TENM4: variants seen among roughly 807,000 people sequenced by gnomAD.
TENM4 encodes teneurin-4.
In TENM4, 82 loss-of-function variants were observed where a neutral mutation model predicts 243.3. The ratio of observed to expected loss-of-function variants is 0.34; its 90% CI spans 0.28 to 0.40. The LOEUF is 0.40. TENM4 is among the 10% of genes least tolerant of loss of function. The pLI is 1.00. For synonymous variants in TENM4, 1,412 were observed against 1,456.3 expected, an observed-to-expected ratio of 0.97 and a Z score of 0.69; for missense variants, 3,138 against 3,673.3, an observed-to-expected ratio of 0.85 and a Z score of 3.77.
chr11:78,796,979 AGT>A (rs1287065239), intron 15 of TENM4, among the ~76,000 whole-genome samples: 5 of 152,338 alleles, frequency 3.3e-5, no homozygotes, highest in African/African-American at 1.2e-4. Flanking sequence ...AAACCCTTGT[AGT>A]AATATTAGTA....
At chr11:79,163,879 TA>T (rs1352804647) in intron 3 of TENM4, among the ~76,000 whole-genome samples, 2 of 144,616 alleles carry the variant, frequency 1.4e-5, no homozygotes, top group East Asian at 4.0e-4. Flanking sequence ...CACATATATG[TA>T]CATATATTAT....
At chr11:79,342,113 C>T (rs1247898922) in intron 1 of TENM4, among the ~76,000 whole-genome samples, 1 of 152,186 alleles carries the variant, frequency 6.6e-6, no homozygotes, top group Non-Finnish European at 1.5e-5. Context: ...GACACTGAGA[C>T]CCCACAGGCA....
At chr11:79,342,053 C>T (rs1394533112) in intron 1 of TENM4, among the ~76,000 whole-genome samples, 1 of 152,204 alleles carries the variant, frequency 6.6e-6, no homozygotes, top group Non-Finnish European at 1.5e-5. Flanking sequence ...GGGCCATGAA[C>T]AAAGCTGTGC....
intron 3 of TENM4, among the ~76,000 whole-genome samples, chr11:79,215,183 C>G (rs975386991): frequency 6.6e-6 from 1 of 152,192 alleles, no homozygotes; most frequent in Non-Finnish European, 1.5e-5. Flanking sequence ...TGTTCCTCCT[C>G]TAGCTTGAAA....
intron 1 of TENM4, among the ~76,000 whole-genome samples, chr11:79,398,626 T>C (rs144363273): frequency 8.2e-4 from 125 of 151,554 alleles, no homozygotes; most frequent in African/African-American, 2.7e-3. Flanking sequence ...CTAAATAGTA[T>C]GGACCCAATA....
At chr11:79,007,996 C>T (rs967338872) in intron 6 of TENM4, among the ~76,000 whole-genome samples, 8 of 152,136 alleles carry the variant, frequency 5.3e-5, no homozygotes, top group South Asian at 2.1e-4. Flanking sequence ...GTTTCAAACC[C>T]GCAGCTCTTG....
chr11:78,781,493 C>G (rs1434685904), intron 16 of TENM4, among the ~76,000 whole-genome samples: 12 of 152,210 alleles, frequency 7.9e-5, no homozygotes. Context: ...TCTGCACGGT[C>G]TTAGCTCTCT....
At chr11:79,316,868 G>A (rs1856811151) in intron 1 of TENM4, among the ~76,000 whole-genome samples, 1 of 152,192 alleles carries the variant, frequency 6.6e-6, no homozygotes, top group African/African-American at 2.4e-5. Flanking sequence ...AATAAGCAGA[G>A]GTCTCTTTAA....
intron 1 of TENM4, among the ~76,000 whole-genome samples, chr11:79,319,546 C>T (rs187136557): frequency 4.8e-4 from 73 of 152,234 alleles, no homozygotes; most frequent in Admixed American, 2.9e-3. Flanking sequence ...GTATGTGCAA[C>T]TTAATGTTGT....
At chr11:78,687,994 C>G in intron 29 of TENM4, 60 bp downstream of exon 29, 1 of 1,569,452 alleles carries the variant, frequency 6.4e-7, no homozygotes, top group African/African-American at 1.3e-5. Flanking sequence ...GTGCCATCCT[C>G]CTCCAAAGGG....
At chr11:79,066,332 G>A (rs910778423) in intron 5 of TENM4, among the ~76,000 whole-genome samples, 2 of 152,136 alleles carry the variant, frequency 1.3e-5, no homozygotes, top group African/African-American at 2.4e-5. Context: ...AGGCCTCCTC[G>A]GCCAGGACTG....
At chr11:79,366,179 T>G (rs1448183011) in intron 1 of TENM4, among the ~76,000 whole-genome samples, 3 of 152,214 alleles carry the variant, frequency 2.0e-5, no homozygotes, top group African/African-American at 7.2e-5. Context: ...TCCCCAGCTC[T>G]GATGCTGTGA....
intron 12 of TENM4, among the ~76,000 whole-genome samples, chr11:78,849,924 A>T (rs779089509): frequency 6.6e-6 from 1 of 152,236 alleles, no homozygotes; most frequent in Non-Finnish European, 1.5e-5. Context: ...TTCTGGGGTC[A>T]GCTAGGCAGC....
intron 2 of TENM4, among the ~76,000 whole-genome samples, chr11:79,264,224 T>C (rs1172712607): frequency 6.6e-6 from 1 of 152,174 alleles, no homozygotes; most frequent in Non-Finnish European, 1.5e-5. Context: ...ACGGGTGCTT[T>C]ACAATCCCAA....
intron 12 of TENM4, among the ~76,000 whole-genome samples, chr11:78,834,108 C>G (rs1365605757): frequency 6.6e-6 from 1 of 152,162 alleles, no homozygotes; most frequent in Non-Finnish European, 1.5e-5. Flanking sequence ...CTTTAGTTTT[C>G]TTACCTATTT....
intron 6 of TENM4, among the ~76,000 whole-genome samples, chr11:78,963,661 T>A (rs1209448263): frequency 6.6e-6 from 1 of 151,672 alleles, no homozygotes; most frequent in Non-Finnish European, 1.5e-5. Flanking sequence ...CTTTTTGTGG[T>A]CTGTCCACAC....
rs12575338 is a variant in TENM4, at chr11:79,340,536, C to A, written c.-320-42993G>T. On this transcript the variant is annotated intron_variant, in intron 1 of 33. Coordinates refer to ENST00000278550, the MANE Select transcript of TENM4 (RefSeq NM_001098816.3). ...ACGGGACATCATACCACAGAGAGGA[C>A]TCTGGCAGCTGCTGCCATAGCACAC... is the stretch of plus-strand genomic sequence containing the variant. 2.2e-4 allele frequency among the ~76,000 whole-genome samples: 33 copies of A among 152,308 alleles called. No individual in the cohort carries two copies. In the East Asian group the frequency reaches 5.8e-3, roughly 27 times the overall value.
intron 6 of TENM4, among the ~76,000 whole-genome samples, chr11:79,005,053 T>A (rs528595884): frequency 6.6e-6 from 1 of 151,646 alleles, no homozygotes; most frequent in Admixed American, 6.6e-5. Context: ...TGTCCCCAGA[T>A]TGAACCAGGA....
At chr11:78,996,883 C>T (rs187807728) in intron 6 of TENM4, among the ~76,000 whole-genome samples, 70 of 152,304 alleles carry the variant, frequency 4.6e-4, no homozygotes, top group African/African-American at 8.9e-4. Context: ...GGCATGGTTC[C>T]ACCTTCCCAG....
Sources: allele counts gnomAD v4.1 joint callset (sites outside exome capture counted in the v4.1 genomes callset), GRCh38; gene constraint gnomAD v4.1.1; transcripts MANE v1.5; gene names NCBI Gene and HGNC (gene_info 2026-07-23, HGNC 2026-07-21).